ITGA11: variants seen among roughly 807,000 people sequenced by gnomAD.
ITGA11 encodes integrin subunit alpha 11, also known as integrin alpha-11.
ITGA11 carries 97 observed loss-of-function variants against 141.9 expected under a neutral mutation model. The ratio of observed to expected loss-of-function variants is 0.68; its 90% confidence interval spans 0.58 to 0.81. The LOEUF is 0.81. Among genes scored for constraint, ITGA11 ranks in the 30% least tolerant of loss-of-function variants. The pLI is 0.00. For missense variants in ITGA11, 1,387 were observed against 1,559.2 expected (o/e 0.89, Z 1.86); for synonymous variants, 658 against 624.6 (o/e 1.05, Z -0.80).
intron 14 of ITGA11, 75 bp downstream of exon 14, chr15:68,331,784 G>A (rs1894165827): frequency 1.6e-6 from 2 of 1,271,608 alleles, no homozygotes; most frequent in Non-Finnish European, 1.1e-6. Context: ...AACCAGATGA[G>A]GCACAGAAGC....
rs1195331621 is a variant in ITGA11 at position 68,364,761 on chromosome 15, G to T, written c.303C>A (p.Asp101Glu). 1 of 1,610,066 alleles carries T rather than the reference G, an allele frequency of 6.2e-7. No individual in the cohort carries two copies. Among genetic ancestry groups the T allele is most frequent in the Non-Finnish European group, 8.5e-7 (1 of 1,177,408 alleles). The change falls in exon 4 of 30, where the codon GAC becomes GAA. Residue 101 changes from aspartate (D) to glutamate (E), a missense_variant. By Grantham distance (45) the Asp-to-Glu change is conservative. Coordinates refer to ENST00000315757, the MANE Select transcript of ITGA11 (RefSeq NM_001004439.2). ...VTLSNVSERK[D>E]NMRLGLSLAT... ...CGAGACTAAGGCCGAGGCGCATGTT[G>T]TCTTTCCGCTCGGACACGTTGGACA... is the stretch of plus-strand genomic sequence containing the variant.
chr15:68,330,995 G>A lies in ITGA11; in HGVS notation c.1887C>T (p.Asn629=), dbSNP rs1894136587. Residue 629 remains asparagine, a synonymous_variant, in exon 15 of 30, where the codon AAC becomes AAT. Transcript: ENST00000315757. ...LIDLAVGALG[N]AVILWSRPVV... is the part of the protein sequence containing the mutation. ...GGGGAACCAACCACAGAATCACAGC[G>A]TTGCCAAGGGCTCCCACTGCCAGGT... The A allele has an allele frequency of 1.2e-5, 20 of 1,613,794 alleles. No individual in the cohort carries two copies. Among genetic ancestry groups the A allele is most frequent in the Non-Finnish European group, 1.4e-5 (17 of 1,179,888 alleles).
intron 3 of ITGA11, 108 bp from the exon 4 acceptor site, chr15:68,364,906 C>T (rs1195085836): frequency 4.8e-6 from 5 of 1,051,036 alleles, no homozygotes; most frequent in Non-Finnish European, 7.2e-6. Context: ...CTCCCTGACC[C>T]TGGGGACCTC....
intron 2 of ITGA11, among the ~76,000 whole-genome samples, chr15:68,378,115 T>C (rs1895772881): frequency 6.6e-6 from 1 of 152,208 alleles, no homozygotes; most frequent in Admixed American, 6.5e-5. Context: ...CCCCCAATTA[T>C]TGAGAGAGAA....
chr15:68,374,136 T>A lies in ITGA11; in HGVS notation c.165-4852A>T, dbSNP rs1366367609. Among the ~76,000 whole-genome samples, 3 of 152,336 alleles carry A rather than the reference T, an allele frequency of 2.0e-5. No homozygotes were observed. The East Asian group carries it at 5.8e-4, about 29-fold the overall frequency. On this transcript the variant is annotated intron_variant, in intron 2 of 29. Coordinates refer to ENST00000315757, the MANE Select transcript of ITGA11 (RefSeq NM_001004439.2). ...CAAGACCAATGAGGGAGAAGCAGAT[T>A]CATATCCCCTAGCTCATGCTCCACC...
At chr15:68,408,331 T>C (rs1896694445) in intron 1 of ITGA11, among the ~76,000 whole-genome samples, 1 of 152,174 alleles carries the variant, frequency 6.6e-6, no homozygotes, top group African/African-American at 2.4e-5. Flanking sequence ...AATGGGTGAC[T>C]GGTGACCTCT....
intron 7 of ITGA11, among the ~76,000 whole-genome samples, chr15:68,355,191 G>A (rs1452894132): frequency 6.6e-6 from 1 of 152,188 alleles, no homozygotes; most frequent in East Asian, 1.9e-4. Flanking sequence ...TTTCACAAGG[G>A]CCTGCTGGGA....
intron 1 of ITGA11, among the ~76,000 whole-genome samples, chr15:68,429,504 C>T (rs916129914): frequency 1.3e-5 from 2 of 152,196 alleles, no homozygotes; most frequent in African/African-American, 4.8e-5. Flanking sequence ...TACCCCATCA[C>T]GCTGTCCAGC....
intron 2 of ITGA11, among the ~76,000 whole-genome samples, chr15:68,401,492 G>C (rs1896509183): frequency 6.6e-6 from 1 of 152,162 alleles, no homozygotes; most frequent in African/African-American, 2.4e-5. Context: ...GAAATACATT[G>C]TTGTAGATTA....
chr15:68,311,475 A>G, intron 24 of ITGA11, 72 bp from the exon 25 acceptor site: 1 of 1,064,848 alleles, frequency 9.4e-7, no homozygotes, highest in Admixed American at 2.0e-5. Flanking sequence ...ACAGGGGCCA[A>G]CCAGCCCCTG....
rs1897004975 is a variant in ITGA11, at chr15:68,420,997, A to ACAG, written c.52+11017_52+11018insCTG. Among the ~76,000 whole-genome samples, 2 of 59,254 alleles carry ACAG rather than the reference A, an allele frequency of 3.4e-5. 1 individual carries two copies. The highest frequency in any genetic ancestry group is 3.0e-4 in the African/African-American group (2 of 6,690). The allele number at this position is 59,254 out of a possible 152,430, so 38.9% of individuals were successfully genotyped here. On this transcript the variant is annotated intron_variant, in intron 1 of 29. Coordinates refer to ENST00000315757, the MANE Select transcript of ITGA11 (RefSeq NM_001004439.2). ...CTCAATGGGAGAAGCATGTTGGAGT[A>ACAG]AACTGCCTGAGGTTTGGTGGGCAGG...
At chr15:68,427,073 C>CA (rs1897161187) in intron 1 of ITGA11, among the ~76,000 whole-genome samples, 1 of 124,190 alleles carries the variant, frequency 8.1e-6, no homozygotes, top group African/African-American at 3.1e-5. Context: ...CAAATCCCAA[C>CA]AATGCCTCTT....
At chr15:68,425,717 A>T (rs1378502775) in intron 1 of ITGA11, among the ~76,000 whole-genome samples, 1 of 152,076 alleles carries the variant, frequency 6.6e-6, no homozygotes, top group Non-Finnish European at 1.5e-5. Flanking sequence ...CCATTTCACA[A>T]TTTTTCCATG....
At position 68,297,580 on chromosome 15, in the gene ITGA11, C is replaced by T. The variant is rs886669564; in HGVS notation, c.*5479G>A. 6 of 151,118 alleles carry T rather than the reference C, an allele frequency of 4.0e-5. No individual in the cohort carries two copies. The highest frequency in any genetic ancestry group is 8.8e-5 in the Non-Finnish European group (6 of 67,874). The allele number at this position is 151,118 out of a possible 1,614,324, so 9.4% of individuals were successfully genotyped here. On this transcript the variant is annotated 3_prime_UTR_variant, in exon 30 of 30. Coordinates refer to ENST00000315757, the MANE Select transcript of ITGA11 (RefSeq NM_001004439.2). ...AACTATTTTCCTTTTATTACCACTA[C>T]GTACTTCTAAATATTAATGTTTTTA...
At chr15:68,392,329 A>G (rs952965979) in intron 2 of ITGA11, among the ~76,000 whole-genome samples, 4 of 152,242 alleles carry the variant, frequency 2.6e-5, no homozygotes, top group Non-Finnish European at 5.9e-5. Flanking sequence ...CAATCAAGGC[A>G]GAGCTCAATA....
chr15:68,317,417 G>A, intron 20 of ITGA11, 54 bp from the exon 21 acceptor site: 1 of 1,252,356 alleles, frequency 8.0e-7, no homozygotes, highest in African/African-American at 1.5e-5. Flanking sequence ...CTGGGACCAG[G>A]TCTCGAGGCT....
At chr15:68,428,744 G>A (rs1897201314) in intron 1 of ITGA11, among the ~76,000 whole-genome samples, 1 of 152,112 alleles carries the variant, frequency 6.6e-6, no homozygotes, top group African/African-American at 2.4e-5. Flanking sequence ...GCTTTCTGTT[G>A]GGTAGGACCC....
intron 2 of ITGA11, among the ~76,000 whole-genome samples, chr15:68,385,837 C>T (rs1595886703): frequency 6.6e-6 from 1 of 152,076 alleles, no homozygotes; most frequent in African/African-American, 2.4e-5. Flanking sequence ...CCTCAGTGCC[C>T]CCATCTGTAA....
chr15:68,367,521 G>A (rs117930788), intron 3 of ITGA11, among the ~76,000 whole-genome samples: 3,053 of 152,140 alleles, frequency 0.02, 41 homozygotes, highest in Non-Finnish European at 0.031. Flanking sequence ...ACCTTCTATG[G>A]TAGAAATCCC....
Sources: allele counts gnomAD v4.1 joint callset (sites outside exome capture counted in the v4.1 genomes callset), GRCh38; gene constraint gnomAD v4.1.1; transcripts MANE v1.5; gene names NCBI Gene and HGNC (gene_info 2026-07-23, HGNC 2026-07-21).